JAK1: variants seen among roughly 807,000 people sequenced by gnomAD.
The protein encoded by JAK1 is Janus kinase 1, also known as tyrosine-protein kinase JAK1.
A neutral mutation model predicts 136.6 loss-of-function variants in JAK1; 16 were observed. That is an observed-to-expected ratio of 0.12 (90% confidence interval 0.08 to 0.18). JAK1 has a LOEUF of 0.18. Ranked by LOEUF, JAK1 falls within the 10% of genes least tolerant of loss-of-function variation. The pLI is 1.00. For synonymous variants in JAK1, 492 were observed against 519.5 expected, an observed-to-expected ratio of 0.95 and a Z score of 0.72; for missense variants, 859 against 1,450.1, an observed-to-expected ratio of 0.59 and a Z score of 6.62.
chr1:65,012,796 CAAAAAA>C (rs374552765), intron 2 of JAK1, among the ~76,000 whole-genome samples: 1 of 116,076 alleles, frequency 8.6e-6, no homozygotes, highest in South Asian at 2.9e-4. Flanking sequence ...GACCCTGTCT[CAAAAAA>C]AAAAAAAAAG....
chr1:65,013,756 TA>T (rs543840940), intron 2 of JAK1, among the ~76,000 whole-genome samples: 2 of 151,734 alleles, frequency 1.3e-5, no homozygotes, highest in Non-Finnish European at 2.9e-5. Context: ...GCAGTACTGG[TA>T]AAAAAAACAA....
At chr1:64,849,328 T>C (rs765545072) in intron 12 of JAK1, among the ~76,000 whole-genome samples, 1 of 152,198 alleles carries the variant, frequency 6.6e-6, no homozygotes, top group African/African-American at 2.4e-5. Context: ...TAGCTGGGAC[T>C]ACAGCTGCTT....
intron 2 of JAK1, chr1:64,993,499 C>T (rs1022515239): frequency 1.3e-5 from 2 of 152,294 alleles, no homozygotes; most frequent in East Asian, 1.9e-4. Flanking sequence ...ATCCATGAAC[C>T]GCCAAAGGTC....
chr1:64,986,773 G>A (rs1027414130), intron 2 of JAK1, among the ~76,000 whole-genome samples: 1 of 152,042 alleles, frequency 6.6e-6, no homozygotes, highest in African/African-American at 2.4e-5. Flanking sequence ...CTACTTGGGA[G>A]GCTGAGGTGG....
At chr1:64,968,871 G>T (rs1646424338), upstream of JAK1, among the ~76,000 whole-genome samples, 1 of 145,802 alleles carries the variant, frequency 6.9e-6, no homozygotes, top group Admixed American at 7.1e-5. Context: ...GGCAGAGTTT[G>T]CAGTGAGCTG....
At chr1:64,946,614 A>C (rs1645991868) in intron 1 of JAK1, among the ~76,000 whole-genome samples, 1 of 152,184 alleles carries the variant, frequency 6.6e-6, no homozygotes, top group Non-Finnish European at 1.5e-5. Context: ...TGCTGTTCTG[A>C]ATTTTCCACT....
chr1:64,838,492 C>T lies in JAK1; in HGVS notation c.2940G>A (p.Gln980=), dbSNP rs1315137281. The change falls in exon 21 of 25, where the codon CAG becomes CAA. Residue 980 remains glutamine (Q), a synonymous_variant. Transcript: ENST00000342505. ...KNKNKINLKQ[Q]LKYAVQICKG... ...TACAAATCTGAACGGCATATTTTAG[C>T]TGCTGTTTGAGGTTTATTTTGTTCT... 10 of 1,613,822 alleles carry T rather than the reference C, an allele frequency of 6.2e-6. No homozygotes were observed. Among genetic ancestry groups the T allele is most frequent in the Non-Finnish European group, 8.5e-6 (10 of 1,179,916 alleles).
rs576597359 is a variant in JAK1 at position 64,961,108 on chromosome 1, C to A, written c.-78+5225G>T. 2.1e-3 allele frequency among the ~76,000 whole-genome samples: 314 copies of A among 152,296 alleles called. 1 individual carries two copies. The highest frequency in any genetic ancestry group is 7.4e-3 in the African/African-American group (306 of 41,568). ...TATTCATCCACTTAACAACTCTTGC[C>A]TCTTAGGTTTCTTGTATTTAATTTC... On this transcript the variant is annotated intron_variant, in intron 1 of 24. Coordinates refer to ENST00000342505, the MANE Select transcript of JAK1 (RefSeq NM_002227.4).
At chr1:64,970,397 C>A (rs947773870), upstream of JAK1, among the ~76,000 whole-genome samples, 2 of 151,738 alleles carry the variant, frequency 1.3e-5, no homozygotes, top group African/African-American at 4.8e-5. Flanking sequence ...GCCAAGATGG[C>A]ACCACTGCAC....
chr1:64,843,934 G>A (rs1003035340), intron 17 of JAK1, 130 bp downstream of exon 17: 2 of 976,360 alleles, frequency 2.0e-6, no homozygotes, highest in Non-Finnish European at 3.1e-6. Flanking sequence ...CACACACCCA[G>A]TAGGCCCGTG....
chr1:65,004,536 T>C (rs1646788387), intron 2 of JAK1, among the ~76,000 whole-genome samples: 2 of 152,354 alleles, frequency 1.3e-5, no homozygotes, highest in South Asian at 4.1e-4. Context: ...GGGACTTCAA[T>C]GACAATCTTG....
chr1:64,869,698 T>C (rs1189462678), intron 5 of JAK1, among the ~76,000 whole-genome samples: 1 of 152,222 alleles, frequency 6.6e-6, no homozygotes, highest in African/African-American at 2.4e-5. Context: ...CTGAGCACTA[T>C]GCCAGGCACT....
At chr1:64,964,094 C>T (rs1267159025) in intron 1 of JAK1, among the ~76,000 whole-genome samples, 2 of 152,218 alleles carry the variant, frequency 1.3e-5, no homozygotes, top group African/African-American at 4.8e-5. Flanking sequence ...CCACAATAAT[C>T]ACAGAACATC....
chr1:64,943,817 C>T (rs1645931832), intron 1 of JAK1, among the ~76,000 whole-genome samples: 1 of 127,668 alleles, frequency 7.8e-6, no homozygotes, highest in East Asian at 2.3e-4. Context: ...ATATCCTTAA[C>T]ATATGTAGCT....
chr1:64,909,660 A>AT (rs1227501654), intron 1 of JAK1, among the ~76,000 whole-genome samples: 1 of 150,764 alleles, frequency 6.6e-6, no homozygotes, highest in Admixed American at 6.6e-5. Context: ...CTCTCTCCAA[A>AT]AAAAAAAAAA....
chr1:64,882,509 T>G lies in JAK1; in HGVS notation c.205+768A>C, dbSNP rs373560208. 1.4e-3 allele frequency among the ~76,000 whole-genome samples: 213 copies of G among 152,360 alleles called. 6 individuals carry two copies. The South Asian group carries it at 0.043, about 31-fold the overall frequency. ...ACAGATTCTAGTGTATTTACTCAGT[T>G]GTACAACCATCATCACAATCCAAGT... On this transcript the variant is annotated intron_variant, in intron 3 of 24. Transcript: ENST00000342505.
At chr1:64,868,184 C>T (rs915153735) in intron 6 of JAK1, among the ~76,000 whole-genome samples, 8 of 152,154 alleles carry the variant, frequency 5.3e-5, no homozygotes, top group African/African-American at 1.9e-4. Context: ...GTATCTACAA[C>T]AAACAGAATC....
chr1:64,838,902 T>C (rs768665492), intron 20 of JAK1, among the ~76,000 whole-genome samples: 11 of 151,864 alleles, frequency 7.2e-5, no homozygotes, highest in Non-Finnish European at 1.6e-4. Flanking sequence ...TCCCAGCACT[T>C]TGGGAGGCCG....
intron 2 of JAK1, among the ~76,000 whole-genome samples, chr1:65,041,586 T>C (rs1647133180): frequency 1.3e-5 from 2 of 152,178 alleles, no homozygotes; most frequent in Non-Finnish European, 2.9e-5. Flanking sequence ...CATCTGATTC[T>C]GTATGTTCCT....
Sources: gnomAD v4.1 joint callset for allele counts (sites outside exome capture counted in the v4.1 genomes callset) on GRCh38, gnomAD v4.1.1 for gene constraint, MANE v1.5 for transcripts, NCBI Gene and HGNC (gene_info 2026-07-23, HGNC 2026-07-21) for gene names.